The following HNRNPLL variants were observed in gnomAD, a reference collection of about 807,000 sequenced individuals.
HNRNPLL encodes the protein heterogeneous nuclear ribonucleoprotein L-like.
Under a neutral mutation model 67.1 loss-of-function variants are expected in HNRNPLL, and 25 were observed. The observed-to-expected ratio is 0.37, with a 90% CI of 0.27 to 0.52. The LOEUF is 0.52. HNRNPLL is among the 20% of genes least tolerant of loss of function. The pLI is 0.90. For synonymous variants in HNRNPLL, 267 were observed against 241.7 expected (o/e 1.10, Z -0.97); for missense variants, 542 against 673.9 (o/e 0.80, Z 2.17).
intron 2 of HNRNPLL, among the ~76,000 whole-genome samples, chr2:38,587,693 T>C (rs555166794): frequency 3.3e-5 from 5 of 152,348 alleles, no homozygotes; most frequent in African/African-American, 1.2e-4. Context: ...TATCTAAATG[T>C]ATTACTGAGT....
At chr2:38,568,071 C>T (rs1042915773) in intron 12 of HNRNPLL, 128 bp downstream of exon 12, 3 of 613,410 alleles carry the variant, frequency 4.9e-6, no homozygotes, top group African/African-American at 3.8e-5. Context: ...ATTAATATGC[C>T]TTTCTTTTTT....
chr2:38,599,993 T>C, intron 1 of HNRNPLL: 1 of 456,034 alleles, frequency 2.2e-6, no homozygotes. Flanking sequence ...TACAATGAAT[T>C]ACCAAACATG....
At chr2:38,565,961 A>G (rs1665843459) in intron 12 of HNRNPLL, 2 of 866,438 alleles carry the variant, frequency 2.3e-6, no homozygotes, top group South Asian at 5.3e-5. Flanking sequence ...GCCATAAATC[A>G]TTCATTGTTT....
At chr2:38,598,633 C>T (rs961376890) in intron 1 of HNRNPLL, among the ~76,000 whole-genome samples, 3 of 152,094 alleles carry the variant, frequency 2.0e-5, no homozygotes, top group Admixed American at 2.0e-4. Context: ...GGTAGAAGCT[C>T]AATTATTGTG....
At position 38,565,727 on chromosome 2, in the gene HNRNPLL, C is replaced by CAA. The variant is rs200356084; in HGVS notation, c.1574-1492_1574-1491dup. ...CTAGGAGATGAGCAAGACCCTGTCT[C>CAA]AAAAAAAAAAAAAAAAAAAAAAAAA... On this transcript the variant is annotated intron_variant, in intron 12 of 12. Coordinates refer to ENST00000449105, the MANE Select transcript of HNRNPLL (RefSeq NM_138394.4). Among the ~76,000 whole-genome samples the CAA allele has an allele frequency of 1.4e-3, 102 of 73,258 alleles. 1 individual carries two copies. The highest frequency in any genetic ancestry group is 7.2e-3 in the Middle Eastern group (1 of 138). The allele number at this position is 73,258 out of a possible 152,430, so 48.1% of individuals were successfully genotyped here.
In HNRNPLL at chr2:38,582,088, T is replaced by C; in HGVS notation, c.713A>G (p.Lys238Arg). 1 of 1,613,666 alleles carries C rather than the reference T, an allele frequency of 6.2e-7. No individual in the cohort carries two copies. The highest frequency in any genetic ancestry group is 8.5e-7 in the Non-Finnish European group (1 of 1,179,588). Residue 238 changes from lysine to arginine, a missense_variant, in exon 5 of 13, where the codon AAA (lysine) becomes AGA (arginine). Transcript: ENST00000449105. ...ADIYAGCCTL[K>R]IEYARPTRLN... is the part of the protein sequence containing the mutation. ...AATATTTACCCGTGCATATTCAATT[T>C]TTAGTGTGCAACATCCAGCATATAT... is the stretch of plus-strand genomic sequence containing the variant.
chr2:38,564,582 C>G (rs1195589160), intron 12 of HNRNPLL, among the ~76,000 whole-genome samples: 1 of 128,864 alleles, frequency 7.8e-6, no homozygotes, highest in African/African-American at 3.1e-5. Context: ...ATTGTGCACT[C>G]TAGCCTGGGT....
At chr2:38,583,611 G>T (rs1261989988) in intron 4 of HNRNPLL, among the ~76,000 whole-genome samples, 1 of 152,152 alleles carries the variant, frequency 6.6e-6, no homozygotes, top group Non-Finnish European at 1.5e-5. Flanking sequence ...TTCAAATAGT[G>T]TTATTTAACA....
intron 7 of HNRNPLL, among the ~76,000 whole-genome samples, chr2:38,576,999 T>C (rs1057105460): frequency 1.3e-4 from 20 of 151,904 alleles, no homozygotes; most frequent in Non-Finnish European, 7.4e-5. Flanking sequence ...CAAATTTAAC[T>C]GAAACCAAAA....
intron 1 of HNRNPLL, chr2:38,601,578 G>A (rs1667436332): frequency 6.6e-6 from 1 of 152,172 alleles, no homozygotes; most frequent in African/African-American, 2.4e-5. Context: ...CTAACTACTT[G>A]CTGTGGACAA....
chr2:38,576,395 A>G (rs1666302203), intron 7 of HNRNPLL, among the ~76,000 whole-genome samples: 1 of 151,822 alleles, frequency 6.6e-6, no homozygotes, highest in Admixed American at 6.6e-5. Flanking sequence ...TTACTCTGTT[A>G]CAGGAATAAC....
intron 1 of HNRNPLL, among the ~76,000 whole-genome samples, chr2:38,598,580 AT>A (rs1553371817): frequency 6.6e-6 from 1 of 152,222 alleles, no homozygotes; most frequent in Non-Finnish European, 1.5e-5. Flanking sequence ...ATTTTTAGAT[AT>A]GTAACATTTT....
chr2:38,571,078 C>G (rs910863193), intron 8 of HNRNPLL, among the ~76,000 whole-genome samples: 6 of 151,886 alleles, frequency 4.0e-5, no homozygotes, highest in African/African-American at 1.5e-4. Context: ...GTAGACAGTA[C>G]TGAAAGATAA....
At chr2:38,566,496 A>G (rs1665866199) in intron 12 of HNRNPLL, among the ~76,000 whole-genome samples, 1 of 152,118 alleles carries the variant, frequency 6.6e-6, no homozygotes, top group Non-Finnish European at 1.5e-5. Context: ...TTCATCTATC[A>G]TACTGGTAAA....
At chr2:38,573,547 T>C in intron 7 of HNRNPLL, 120 bp from the exon 8 acceptor site, 2 of 672,412 alleles carry the variant, frequency 3.0e-6, no homozygotes, top group Admixed American at 3.1e-5. Flanking sequence ...GCTAGTTTGA[T>C]GTACAAAGAA....
Position 38,568,194 on chromosome 2 carries a change from C to T in HNRNPLL, c.1573+5G>A. 6.3e-7 allele frequency: 1 copy of T among 1,581,384 alleles called. No individual in the cohort carries two copies. The highest frequency in any genetic ancestry group is 8.7e-7 in the Non-Finnish European group (1 of 1,153,566). On this transcript the variant is annotated splice_donor_5th_base_variant and intron_variant, in intron 12 of 12. Coordinates refer to ENST00000449105, the MANE Select transcript of HNRNPLL (RefSeq NM_138394.4). The stretch of plus-strand genomic sequence containing the variant: ...ATTACAACACAAATAAAGCATTTTA[C>T]TTACTCGGCACTCTTATCTGATAGT...
chr2:38,576,458 C>T (rs1666304063), intron 7 of HNRNPLL, among the ~76,000 whole-genome samples: 1 of 151,804 alleles, frequency 6.6e-6, no homozygotes, highest in South Asian at 2.1e-4. Flanking sequence ...ATGAGATTTT[C>T]ATTCTATACC....
At chr2:38,599,373 C>A (rs1667331529) in intron 1 of HNRNPLL, among the ~76,000 whole-genome samples, 1 of 152,168 alleles carries the variant, frequency 6.6e-6, no homozygotes, top group Non-Finnish European at 1.5e-5. Flanking sequence ...CCAAGTGAAG[C>A]CTTAATATTT....
chr2:38,582,154 A>T lies in HNRNPLL; in HGVS notation c.647T>A (p.Leu216His). 6.2e-7 allele frequency: 1 copy of T among 1,613,480 alleles called. No homozygotes were observed. Among genetic ancestry groups the T allele is most frequent in the Non-Finnish European group, 8.5e-7 (1 of 1,179,414 alleles). The change falls in exon 5 of 13, where the codon CTT becomes CAT. Residue 216 changes from leucine to histidine, a missense_variant. Leu to His is a moderately conservative substitution (Grantham distance 99). Coordinates refer to ENST00000449105, the MANE Select transcript of HNRNPLL (RefSeq NM_138394.4). ...TGCTGCTTTAGCTTTCTGGGCACAA[A>T]GGACTGATTCAAACATAAGCTCTAT... ...IQAMVEFESV[L>H]CAQKAKAALN...
Sources: gnomAD v4.1 joint callset for allele counts (sites outside exome capture counted in the v4.1 genomes callset) on GRCh38, gnomAD v4.1.1 for gene constraint, MANE v1.5 for transcripts, NCBI Gene and HGNC (gene_info 2026-07-23, HGNC 2026-07-21) for gene names.